Variants in LIMCH1 observed in about 807,000 individuals in gnomAD.
LIMCH1 encodes the protein LIM and calponin homology domains 1, also known as LIM and calponin homology domains-containing protein 1.
In LIMCH1, 113 loss-of-function variants were observed where a neutral mutation model predicts 176.5. That is an observed-to-expected ratio of 0.64 (90% CI 0.55 to 0.75). LIMCH1 has a LOEUF of 0.75. Ranked by LOEUF, LIMCH1 falls within the 30% of genes least tolerant of loss-of-function variation. The probability of loss-of-function intolerance (pLI) is 0.00; values close to 1 mark genes in which losing one functional copy is unlikely to be tolerated. For missense variants in LIMCH1, 1,674 were observed against 1,814.9 expected, an observed-to-expected ratio of 0.92 and a Z score of 1.41; for synonymous variants, 619 against 645.9, an observed-to-expected ratio of 0.96 and a Z score of 0.63.
chr4:41,399,052 T>C (rs566745083), intron 1 of LIMCH1, among the ~76,000 whole-genome samples: 4 of 152,284 alleles, frequency 2.6e-5, no homozygotes, highest in South Asian at 2.1e-4. Flanking sequence ...TGTGCCACCA[T>C]GTGAGGTGTT....
intron 1 of LIMCH1, among the ~76,000 whole-genome samples, chr4:41,414,639 A>G (rs182097171): frequency 2.0e-5 from 3 of 152,172 alleles, no homozygotes. Flanking sequence ...CACTGTGTCA[A>G]CTACTCATCA....
intron 2 of LIMCH1, among the ~76,000 whole-genome samples, chr4:41,517,278 AC>A (rs1305076930): frequency 6.6e-6 from 1 of 152,094 alleles, no homozygotes; most frequent in Non-Finnish European, 1.5e-5. Flanking sequence ...ATTGGCCAGC[AC>A]TCTATTATAT....
chr4:41,457,332 G>C (rs2064737511), intron 1 of LIMCH1, among the ~76,000 whole-genome samples: 1 of 152,086 alleles, frequency 6.6e-6, no homozygotes, highest in Non-Finnish European at 1.5e-5. Flanking sequence ...AAGAGACCTT[G>C]AGGAGAATTA....
At chr4:41,537,291 G>A (rs909769862), upstream of LIMCH1, among the ~76,000 whole-genome samples, 28 of 152,138 alleles carry the variant, frequency 1.8e-4, no homozygotes, top group Non-Finnish European at 4.1e-4. Flanking sequence ...TGGTAACTCC[G>A]CACACGATGC....
At chr4:41,510,146 CAT>C (rs148293350) in intron 2 of LIMCH1, among the ~76,000 whole-genome samples, 16,169 of 152,260 alleles carry the variant, frequency 0.11, 886 homozygotes, top group Non-Finnish European at 0.12. Context: ...CTTCCCTCAA[CAT>C]GTGGCAATTC....
chr4:41,544,717 C>T (rs979181209), intron 1 of LIMCH1, among the ~76,000 whole-genome samples: 1 of 152,164 alleles, frequency 6.6e-6, no homozygotes, highest in African/African-American at 2.4e-5. Flanking sequence ...CCCCAGACCA[C>T]ACGTGTCTTC....
chr4:41,633,474 C>A, intron 12 of LIMCH1, 74 bp from the exon 13 acceptor site: 1 of 1,488,826 alleles, frequency 6.7e-7, no homozygotes, highest in South Asian at 1.3e-5. Flanking sequence ...TGAATTAACG[C>A]CAGTGAGTGA....
At chr4:41,361,528 G>C (rs2052047414) in intron 1 of LIMCH1, among the ~76,000 whole-genome samples, 2 of 152,202 alleles carry the variant, frequency 1.3e-5, no homozygotes, top group African/African-American at 4.8e-5. Context: ...CCACCTGCGA[G>C]CACGCATCCG....
intron 1 of LIMCH1, among the ~76,000 whole-genome samples, chr4:41,547,254 C>T (rs1049957499): frequency 1.3e-5 from 2 of 152,142 alleles, no homozygotes; most frequent in Non-Finnish European, 2.9e-5. Flanking sequence ...GGAACATACT[C>T]CTCCTGTCTA....
chr4:41,424,181 CTCTT>C (rs1216040658), intron 1 of LIMCH1, among the ~76,000 whole-genome samples: 2 of 152,144 alleles, frequency 1.3e-5, no homozygotes, highest in African/African-American at 4.8e-5. Context: ...CTCTCCCTCT[CTCTT>C]TCTCTCCCTG....
chr4:41,576,692 G>A (rs2084527115), intron 1 of LIMCH1, among the ~76,000 whole-genome samples: 1 of 152,110 alleles, frequency 6.6e-6, no homozygotes, highest in South Asian at 2.1e-4. Flanking sequence ...CCTTTCAAAA[G>A]TATCTTGATT....
chr4:41,379,861 C>T (rs990329918), intron 1 of LIMCH1, among the ~76,000 whole-genome samples: 8 of 152,136 alleles, frequency 5.3e-5, no homozygotes, highest in Non-Finnish European at 7.4e-5. Context: ...TGCAGTGACG[C>T]GATCTCAGCT....
At chr4:41,688,432 T>C (rs538931566) in intron 29 of LIMCH1, among the ~76,000 whole-genome samples, 116 of 152,324 alleles carry the variant, frequency 7.6e-4, no homozygotes, top group Non-Finnish European at 1.4e-3. Flanking sequence ...AATTACTGAG[T>C]GCTCAGAGAT....
At chr4:41,425,061 T>C (rs896019704) in intron 1 of LIMCH1, among the ~76,000 whole-genome samples, 3 of 152,134 alleles carry the variant, frequency 2.0e-5, no homozygotes, top group Non-Finnish European at 2.9e-5. Context: ...GCTTGAAGAG[T>C]GTGACATCGT....
chr4:41,633,301 A>T (rs757478470), intron 12 of LIMCH1, among the ~76,000 whole-genome samples: 3 of 152,240 alleles, frequency 2.0e-5, no homozygotes, highest in African/African-American at 7.2e-5. Flanking sequence ...GTGGCTGAGT[A>T]CTGGCCAAAT....
chr4:41,522,832 A>G (rs1403530760), intron 2 of LIMCH1, among the ~76,000 whole-genome samples: 1 of 152,176 alleles, frequency 6.6e-6, no homozygotes, highest in East Asian at 1.9e-4. Context: ...TTGCCTTCCA[A>G]CTGGTAAAAC....
At chr4:41,379,546 C>T (rs541206021) in intron 1 of LIMCH1, among the ~76,000 whole-genome samples, 33 of 152,304 alleles carry the variant, frequency 2.2e-4, no homozygotes, top group African/African-American at 7.5e-4. Flanking sequence ...AATTAGACTC[C>T]ACCTTTTGAA....
intron 21 of LIMCH1, among the ~76,000 whole-genome samples, chr4:41,667,657 C>CT (rs2094874997): frequency 6.6e-6 from 1 of 152,162 alleles, no homozygotes; most frequent in African/African-American, 2.4e-5. Context: ...CCCCTTTACT[C>CT]TTTAAGAACC....
chr4:41,517,779 C>T (rs1290431944), intron 2 of LIMCH1, among the ~76,000 whole-genome samples: 1 of 151,746 alleles, frequency 6.6e-6, no homozygotes, highest in African/African-American at 2.4e-5. Flanking sequence ...TTAAATTGAT[C>T]TCATGCTTAG....
Sources: allele counts gnomAD v4.1 joint callset (sites outside exome capture counted in the v4.1 genomes callset), GRCh38; gene constraint gnomAD v4.1.1; transcripts MANE v1.5; gene names NCBI Gene and HGNC (gene_info 2026-07-23, HGNC 2026-07-21).